Variants in OSBPL9 observed in about 807,000 individuals in gnomAD.
The protein encoded by OSBPL9 is oxysterol binding protein like 9.
In OSBPL9, 40 loss-of-function variants were observed where a neutral mutation model predicts 106.6. The ratio of observed to expected loss-of-function variants is 0.38; its 90% CI spans 0.29 to 0.49. The LOEUF (loss-of-function observed/expected upper bound fraction) is 0.49, where lower values mean the gene tolerates loss of function less well. Among genes scored for constraint, OSBPL9 ranks in the 20% least tolerant of loss-of-function variants. OSBPL9 has a pLI of 0.97. For missense variants in OSBPL9, 609 were observed against 887.2 expected (o/e 0.69, Z 3.98); for synonymous variants, 269 against 295.4 (o/e 0.91, Z 0.92).
At chr1:51,641,223 C>T (rs902322225) in intron 1 of OSBPL9, among the ~76,000 whole-genome samples, 7 of 152,176 alleles carry the variant, frequency 4.6e-5, no homozygotes, top group Non-Finnish European at 1.0e-4. Flanking sequence ...ATGAGCTATT[C>T]TCTTGAGAAT....
At chr1:51,557,592 C>G in the OSBPL9 span, among the ~76,000 whole-genome samples, 1 of 152,214 alleles carries the variant, frequency 6.6e-6, no homozygotes, top group African/African-American at 2.4e-5. Flanking sequence ...TCGACTAAAG[C>G]CTAAGGCCCT....
chr1:51,579,541 T>C (rs959779801), intron 1 of OSBPL9, among the ~76,000 whole-genome samples: 2 of 152,154 alleles, frequency 1.3e-5, no homozygotes, highest in African/African-American at 4.8e-5. Context: ...AAAGCTTATC[T>C]CTTCAGGTGC....
At chr1:51,702,468 A>G (rs897087011) in intron 3 of OSBPL9, among the ~76,000 whole-genome samples, 3 of 152,124 alleles carry the variant, frequency 2.0e-5, no homozygotes, top group African/African-American at 7.2e-5. Flanking sequence ...GTCTGTTCAT[A>G]TCCTTTGCCC....
chr1:51,758,369 CAGTG>C (rs1015594548), intron 9 of OSBPL9, among the ~76,000 whole-genome samples: 2 of 150,328 alleles, frequency 1.3e-5, no homozygotes, highest in African/African-American at 4.9e-5. Context: ...AGGGTTAAAA[CAGTG>C]AGCATTTCCG....
chr1:51,744,717 AGTATGAT>A (rs1667608520), intron 4 of OSBPL9, among the ~76,000 whole-genome samples: 1 of 152,252 alleles, frequency 6.6e-6, no homozygotes, highest in South Asian at 2.1e-4. Context: ...CCTGCTTAAC[AGTATGAT>A]GACTGGGCAT....
chr1:51,537,978 T>C, the OSBPL9 span, among the ~76,000 whole-genome samples: 1 of 152,120 alleles, frequency 6.6e-6, no homozygotes, highest in Admixed American at 6.6e-5. Flanking sequence ...AACATCAATG[T>C]CTTTATTCAT....
At chr1:51,529,098 A>G in the OSBPL9 span, among the ~76,000 whole-genome samples, 93 of 152,362 alleles carry the variant, frequency 6.1e-4, no homozygotes, top group Admixed American at 2.6e-3. Context: ...CTACTGATTC[A>G]GTGCAATCCT....
At chr1:51,671,716 G>A (rs186401131) in intron 3 of OSBPL9, among the ~76,000 whole-genome samples, 1 of 152,248 alleles carries the variant, frequency 6.6e-6, no homozygotes, top group Non-Finnish European at 1.5e-5. Flanking sequence ...TGAAATAGAG[G>A]TGAGGTTGCA....
At chr1:51,770,137 ATT>A (rs111908339) in intron 12 of OSBPL9, among the ~76,000 whole-genome samples, 38 of 141,236 alleles carry the variant, frequency 2.7e-4, no homozygotes, top group African/African-American at 7.3e-4. Flanking sequence ...TGCCCAGCTA[ATT>A]TTTTTTTTTT....
chr1:51,667,442 T>C (rs1216006081), intron 2 of OSBPL9, among the ~76,000 whole-genome samples: 1 of 152,212 alleles, frequency 6.6e-6, no homozygotes, highest in Non-Finnish European at 1.5e-5. Flanking sequence ...ATTCTGGACA[T>C]TTTTTGTAAG....
At chr1:51,529,820 G>A in the OSBPL9 span, among the ~76,000 whole-genome samples, 1 of 150,726 alleles carries the variant, frequency 6.6e-6, no homozygotes. Flanking sequence ...ATGGATCCTT[G>A]ACATAAATGT....
At chr1:51,549,255 C>T in the OSBPL9 span, among the ~76,000 whole-genome samples, 1 of 152,194 alleles carries the variant, frequency 6.6e-6, no homozygotes, top group East Asian at 1.9e-4. Flanking sequence ...TTTGGGCAGA[C>T]TTGTGCATTC....
intron 4 of OSBPL9, chr1:51,740,177 G>A (rs1380314234): frequency 6.5e-7 from 1 of 1,544,730 alleles, no homozygotes. Context: ...CAGTCTTCTG[G>A]TATCTCTCCA....
chr1:51,520,888 T>C, the OSBPL9 span, among the ~76,000 whole-genome samples: 2 of 152,246 alleles, frequency 1.3e-5, no homozygotes, highest in African/African-American at 4.8e-5. Context: ...CCTTGGCTTC[T>C]TTTTTGCTGC....
chr1:51,562,389 C>T, the OSBPL9 span, among the ~76,000 whole-genome samples: 5 of 152,152 alleles, frequency 3.3e-5, no homozygotes, highest in South Asian at 2.1e-4. Context: ...CCTGAGGCCT[C>T]CCCAGAAGCT....
chr1:51,744,257 G>A (rs1182628743), intron 4 of OSBPL9, among the ~76,000 whole-genome samples: 2 of 152,152 alleles, frequency 1.3e-5, no homozygotes, highest in African/African-American at 2.4e-5. Flanking sequence ...GTCATTAGTT[G>A]TTGTCTTTAG....
chr1:51,558,936 C>G, the OSBPL9 span, among the ~76,000 whole-genome samples: 1 of 152,220 alleles, frequency 6.6e-6, no homozygotes, highest in Middle Eastern at 3.4e-3. Context: ...TCTTTGTTCT[C>G]TACCATCTCC....
intron 12 of OSBPL9, among the ~76,000 whole-genome samples, chr1:51,769,943 C>G (rs1673477465): frequency 1.3e-5 from 2 of 152,138 alleles, no homozygotes; most frequent in African/African-American, 4.8e-5. Flanking sequence ...AGATACATCA[C>G]AGAGGCACAA....
At chr1:51,584,395 C>A (rs571456305) in intron 1 of OSBPL9, among the ~76,000 whole-genome samples, 2 of 152,212 alleles carry the variant, frequency 1.3e-5, no homozygotes, top group Admixed American at 1.3e-4. Context: ...CCCATCTGTA[C>A]AATGAAAGGG....
Sources: allele counts gnomAD v4.1 joint callset (sites outside exome capture counted in the v4.1 genomes callset), GRCh38; gene constraint gnomAD v4.1.1; transcripts MANE v1.5; gene names NCBI Gene and HGNC (gene_info 2026-07-23, HGNC 2026-07-21).